The following SIK2 variants were observed in gnomAD, a reference collection of about 807,000 sequenced individuals.
The protein encoded by SIK2 is salt inducible kinase 2, also known as serine/threonine-protein kinase SIK2.
Under a neutral mutation model 103.2 loss-of-function variants are expected in SIK2, and 29 were observed. That is an observed-to-expected ratio of 0.28 (90% CI 0.21 to 0.38). SIK2 has a LOEUF of 0.38. SIK2 is among the 10% of genes least tolerant of loss of function. The pLI is 1.00. For missense variants in SIK2, 879 were observed against 1,171.0 expected (o/e 0.75, Z 3.64); for synonymous variants, 412 against 446.1 (o/e 0.92, Z 0.96).
chr11:111,714,064 G>A (rs1943574516), intron 9 of SIK2, among the ~76,000 whole-genome samples: 2 of 152,258 alleles, frequency 1.3e-5, no homozygotes, highest in African/African-American at 2.4e-5. Flanking sequence ...AGGAAAGTCC[G>A]GTTTAACTGT....
At chr11:111,615,535 A>G (rs1320397779) in intron 1 of SIK2, among the ~76,000 whole-genome samples, 1 of 152,170 alleles carries the variant, frequency 6.6e-6, no homozygotes, top group African/African-American at 2.4e-5. Flanking sequence ...GTGTGTAATC[A>G]TTGATTTCTG....
intron 3 of SIK2, among the ~76,000 whole-genome samples, chr11:111,637,185 A>T (rs187015545): frequency 6.6e-6 from 1 of 150,754 alleles, no homozygotes; most frequent in East Asian, 1.9e-4. Context: ...TTCCTGAGGG[A>T]TTTCATAAAC....
At chr11:111,647,105 A>G (rs957587781) in intron 3 of SIK2, among the ~76,000 whole-genome samples, 5 of 152,206 alleles carry the variant, frequency 3.3e-5, no homozygotes, top group African/African-American at 1.2e-4. Flanking sequence ...ATACATTCCT[A>G]TAAAATTATT....
At chr11:111,643,745 A>T (rs1359962522) in intron 3 of SIK2, among the ~76,000 whole-genome samples, 1 of 151,854 alleles carries the variant, frequency 6.6e-6, no homozygotes, top group Non-Finnish European at 1.5e-5. Context: ...CCTGGGAGGC[A>T]GAGGTTGCAG....
intron 4 of SIK2, among the ~76,000 whole-genome samples, chr11:111,693,114 A>T: frequency 6.6e-6 from 1 of 152,050 alleles, no homozygotes; most frequent in East Asian, 1.9e-4. Context: ...TGGGCGGATC[A>T]CGAGGGCAGG....
intron 3 of SIK2, among the ~76,000 whole-genome samples, chr11:111,651,334 A>C (rs1295008938): frequency 6.6e-6 from 1 of 152,214 alleles, no homozygotes; most frequent in East Asian, 1.9e-4. Flanking sequence ...AATATGGTAC[A>C]TGGAATACTT....
At chr11:111,659,929 C>T (rs777155470) in intron 3 of SIK2, among the ~76,000 whole-genome samples, 15 of 152,308 alleles carry the variant, frequency 9.8e-5, no homozygotes, top group Middle Eastern at 3.4e-3. Flanking sequence ...CTCTGCCAGC[C>T]TCAGCTTTAT....
At chr11:111,696,270 A>G (rs527245209) in intron 4 of SIK2, among the ~76,000 whole-genome samples, 1 of 152,318 alleles carries the variant, frequency 6.6e-6, no homozygotes, top group Admixed American at 6.5e-5. Flanking sequence ...AAACTCATGA[A>G]ATGTTAAGTC....
intron 3 of SIK2, chr11:111,683,304 A>G (rs1404290639): frequency 6.6e-6 from 1 of 152,246 alleles, no homozygotes. Context: ...TCGAGGGTAT[A>G]TGAGTAGCTG....
chr11:111,670,115 C>T (rs1383704720), intron 3 of SIK2, among the ~76,000 whole-genome samples: 2 of 152,122 alleles, frequency 1.3e-5, no homozygotes, highest in African/African-American at 4.8e-5. Context: ...ATAGTCACCC[C>T]ACTGATCTAT....
intron 3 of SIK2, among the ~76,000 whole-genome samples, chr11:111,659,231 T>C (rs570154594): frequency 2.8e-4 from 43 of 152,368 alleles, no homozygotes; most frequent in African/African-American, 8.9e-4. Flanking sequence ...TTTACTGTTA[T>C]TGGAGACATT....
chr11:111,648,599 T>A (rs1324861706), intron 3 of SIK2, among the ~76,000 whole-genome samples: 2 of 151,920 alleles, frequency 1.3e-5, no homozygotes, highest in Non-Finnish European at 2.9e-5. Context: ...TGGGCTCCTA[T>A]TGATATATAC....
intron 3 of SIK2, chr11:111,671,808 A>T: frequency 2.5e-6 from 1 of 406,858 alleles, no homozygotes; most frequent in Admixed American, 3.1e-5. Context: ...ATGAAGACAA[A>T]TTCGTTTTCC....
intron 3 of SIK2, among the ~76,000 whole-genome samples, chr11:111,663,483 G>C (rs748401146): frequency 2.0e-5 from 3 of 152,110 alleles, no homozygotes; most frequent in Non-Finnish European, 4.4e-5. Context: ...GGATATGGTT[G>C]AGATCACATG....
intron 4 of SIK2, 75 bp from the exon 5 acceptor site, chr11:111,700,811 A>G: frequency 1.3e-6 from 2 of 1,559,022 alleles, no homozygotes; most frequent in East Asian, 2.3e-5. Flanking sequence ...ATAGCATATT[A>G]GAAAATTTAT....
At chr11:111,712,174 C>T (rs778686948) in intron 8 of SIK2, 37 bp from the exon 9 acceptor site, 7 of 1,590,584 alleles carry the variant, frequency 4.4e-6, no homozygotes, top group Non-Finnish European at 6.0e-6. Flanking sequence ...AGAAGGTATT[C>T]ATGTTCCCAA....
chr11:111,641,319 T>A (rs1669437762), intron 3 of SIK2, among the ~76,000 whole-genome samples: 1 of 152,206 alleles, frequency 6.6e-6, no homozygotes, highest in Admixed American at 6.5e-5. Flanking sequence ...CCCTACTTAC[T>A]GACTTGTTGA....
At chr11:111,690,464 T>C (rs1942919016) in intron 4 of SIK2, among the ~76,000 whole-genome samples, 2 of 152,086 alleles carry the variant, frequency 1.3e-5, no homozygotes, top group East Asian at 3.9e-4. Flanking sequence ...TTTTTTTACT[T>C]TAAGTTCTGG....
At chr11:111,647,879 A>G (rs1471526922) in intron 3 of SIK2, among the ~76,000 whole-genome samples, 3 of 152,156 alleles carry the variant, frequency 2.0e-5, no homozygotes, top group Non-Finnish European at 4.4e-5. Flanking sequence ...AAAAAAAAGA[A>G]AAAGAAAAAC....
Sources: allele counts gnomAD v4.1 joint callset (sites outside exome capture counted in the v4.1 genomes callset), GRCh38; gene constraint gnomAD v4.1.1; transcripts MANE v1.5; gene names NCBI Gene and HGNC (gene_info 2026-07-23, HGNC 2026-07-21).